SYT14: variants seen among roughly 807,000 people sequenced by gnomAD.
SYT14 encodes the protein synaptotagmin 14.
In SYT14, 32 loss-of-function variants were observed where a neutral mutation model predicts 74.2. The observed-to-expected ratio is 0.43, with a 90% CI of 0.33 to 0.58. The LOEUF is 0.58. SYT14 is among the 20% of genes least tolerant of loss of function. The pLI, the probability that SYT14 is intolerant of heterozygous loss-of-function variation, is 0.05. For synonymous variants in SYT14, 298 were observed against 337.7 expected (o/e 0.88, Z 1.29); for missense variants, 791 against 981.8 (o/e 0.81, Z 2.60).
chr1:209,983,592 C>T (rs953469230), intron 2 of SYT14, among the ~76,000 whole-genome samples: 2 of 151,992 alleles, frequency 1.3e-5, no homozygotes, highest in African/African-American at 4.8e-5. Context: ...GACACTTGTT[C>T]TCCTGATTTT....
chr1:210,106,124 CAGATTTGATTACCTGGGAA>C (rs1379830490), intron 7 of SYT14, among the ~76,000 whole-genome samples: 4 of 152,186 alleles, frequency 2.6e-5, no homozygotes, highest in Admixed American at 1.3e-4. Context: ...ATATGTGTTG[CAGATTTGATTACCTGGGAA>C]GCAGACTCTG....
chr1:210,082,846 A>G (rs1298319474), intron 5 of SYT14, among the ~76,000 whole-genome samples: 1 of 152,248 alleles, frequency 6.6e-6, no homozygotes, highest in Non-Finnish European at 1.5e-5. Context: ...GTCTTGCTTT[A>G]CAGCTCTAAG....
At chr1:210,124,838 A>G (rs932367095) in intron 7 of SYT14, among the ~76,000 whole-genome samples, 2 of 151,828 alleles carry the variant, frequency 1.3e-5, no homozygotes, top group Non-Finnish European at 2.9e-5. Context: ...CAAACTACAA[A>G]TATTCCCAGC....
chr1:210,168,481 A>G (rs1474815936), exon 10 of SYT14: 3 of 152,206 alleles, frequency 2.0e-5, no homozygotes, highest in Non-Finnish European at 4.4e-5. Flanking sequence ...TTACATTAAC[A>G]TGTGATCTCT....
At chr1:210,129,614 T>A (rs1361962243) in intron 7 of SYT14, among the ~76,000 whole-genome samples, 1 of 152,228 alleles carries the variant, frequency 6.6e-6, no homozygotes, top group Admixed American at 6.5e-5. Flanking sequence ...GATAATAATG[T>A]TCACTAAACC....
chr1:210,044,506 A>G (rs751812922), intron 5 of SYT14, among the ~76,000 whole-genome samples: 10 of 152,218 alleles, frequency 6.6e-5, no homozygotes, highest in Non-Finnish European at 1.5e-4. Context: ...AGCCATAGGA[A>G]TCTTGTTTCA....
chr1:210,109,242 C>A (rs2082214801), intron 7 of SYT14, among the ~76,000 whole-genome samples: 2 of 151,922 alleles, frequency 1.3e-5, no homozygotes, highest in South Asian at 2.1e-4. Context: ...AATCAAAAAC[C>A]ACAGGATACC....
chr1:210,142,525 A>C (rs2082937504), intron 7 of SYT14, among the ~76,000 whole-genome samples: 1 of 152,168 alleles, frequency 6.6e-6, no homozygotes, highest in Non-Finnish European at 1.5e-5. Context: ...GGTGTATGGA[A>C]GTCTAGTTTA....
chr1:209,941,758 C>G (rs12239590), intron 1 of SYT14, among the ~76,000 whole-genome samples: 18,356 of 152,128 alleles, frequency 0.12, 3,421 homozygotes, highest in African/African-American at 0.4. Flanking sequence ...TTTTGTACCC[C>G]TTAGGTTTTG....
At chr1:210,162,127 A>G (rs2083385638) in exon 10 of SYT14, 1 of 438,228 alleles carries the variant, frequency 2.3e-6, no homozygotes, top group African/African-American at 2.0e-5. Context: ...TTTGAATTGG[A>G]ACATCATGTT....
chr1:210,086,915 G>A (rs1182889695), intron 5 of SYT14, among the ~76,000 whole-genome samples: 1 of 151,910 alleles, frequency 6.6e-6, no homozygotes, highest in African/African-American at 2.4e-5. Flanking sequence ...AAGAAACCTG[G>A]CTGCCATTAA....
chr1:210,156,467 C>T (rs2083269132), intron 8 of SYT14, among the ~76,000 whole-genome samples: 1 of 151,790 alleles, frequency 6.6e-6, no homozygotes, highest in Non-Finnish European at 1.5e-5. Flanking sequence ...GAATAAGGAA[C>T]AGTTTGCTGT....
intron 7 of SYT14, among the ~76,000 whole-genome samples, chr1:210,150,251 A>G (rs570562408): frequency 1.3e-5 from 2 of 152,314 alleles, no homozygotes; most frequent in Admixed American, 6.5e-5. Context: ...TCCTAGTAAC[A>G]TGGGTTGAGG....
In SYT14 at chr1:209,947,694, TAAAG is replaced by T. The variant is rs1027216394; in HGVS notation, c.-533-5011_-533-5008del. On this transcript the variant is annotated intron_variant, in intron 1 of 9. Transcript: ENST00000637265. ...TAGAATATTATATACACTTAGTTGA[TAAAG>T]AAACTGTAGGGTTTGAGAGGACTGA... Among the ~76,000 whole-genome samples, 61 of 152,238 alleles carry T rather than the reference TAAAG, an allele frequency of 4.0e-4. 1 individual carries two copies. The highest frequency in any genetic ancestry group is 3.3e-4 in the Admixed American group (5 of 15,280).
chr1:210,158,277 AT>A (rs1354157043), intron 8 of SYT14, among the ~76,000 whole-genome samples: 2 of 152,188 alleles, frequency 1.3e-5, no homozygotes, highest in Non-Finnish European at 2.9e-5. Context: ...AGTAAAACTC[AT>A]AGGTGAAAGT....
At chr1:210,078,234 C>T (rs553162789) in intron 5 of SYT14, among the ~76,000 whole-genome samples, 32 of 142,642 alleles carry the variant, frequency 2.2e-4, no homozygotes, top group Non-Finnish European at 4.6e-4. Context: ...GGCGTGAACC[C>T]GGGAGGCAGA....
intron 5 of SYT14, among the ~76,000 whole-genome samples, chr1:210,029,223 A>ATTTT (rs1408193646): frequency 1.3e-5 from 2 of 152,066 alleles, no homozygotes; most frequent in African/African-American, 4.8e-5. Context: ...TTGGGATGGC[A>ATTTT]TTTTTTACTC....
At chr1:210,081,104 G>C (rs2081607632) in intron 5 of SYT14, among the ~76,000 whole-genome samples, 1 of 152,104 alleles carries the variant, frequency 6.6e-6, no homozygotes, top group Non-Finnish European at 1.5e-5. Context: ...GGATTGAGGG[G>C]TATAAGTATT....
At chr1:210,149,057 T>C (rs1473017662) in intron 7 of SYT14, among the ~76,000 whole-genome samples, 10 of 151,978 alleles carry the variant, frequency 6.6e-5, no homozygotes, top group Non-Finnish European at 1.5e-5. Flanking sequence ...ATAAACTTTA[T>C]AAACCAATCT....
Sources: allele counts gnomAD v4.1 joint callset (sites outside exome capture counted in the v4.1 genomes callset), GRCh38; gene constraint gnomAD v4.1.1; transcripts MANE v1.5; gene names NCBI Gene and HGNC (gene_info 2026-07-23, HGNC 2026-07-21).